Variants in LSM14A observed in about 807,000 individuals in gnomAD.
LSM14A encodes protein LSM14 homolog A.
Under a neutral mutation model 52.4 loss-of-function variants are expected in LSM14A, and 14 were observed. The ratio of observed to expected loss-of-function variants is 0.27; its 90% CI spans 0.18 to 0.42. The LOEUF (loss-of-function observed/expected upper bound fraction) is 0.42. Among genes scored for constraint, LSM14A ranks in the 10% least tolerant of loss-of-function variants. LSM14A has a pLI of 1.00. For missense variants in LSM14A, 417 were observed against 581.8 expected (o/e 0.72, Z 2.91); for synonymous variants, 185 against 200.3 (o/e 0.92, Z 0.64).
rs577798488 is a variant in LSM14A, at chr19:34,227,556, A to C, written c.*168A>C. 1.8e-6 allele frequency: 1 copy of C among 549,186 alleles called. No individual in the cohort carries two copies. The highest frequency in any genetic ancestry group is 3.2e-6 in the Non-Finnish European group (1 of 312,374). The allele number at this position is 549,186 out of a possible 1,614,324, so 34.0% of individuals were successfully genotyped here. The stretch of plus-strand genomic sequence containing the variant: ...CCGCTTAATTTCAAAGATAAAATGC[A>C]GTTACTTTTGGGGGTGGAAGGCTCA... On this transcript the variant is annotated 3_prime_UTR_variant, in exon 10 of 10. Transcript: ENST00000544216.
rs911181895 is a variant in LSM14A at position 34,228,639 on chromosome 19, T to C, written c.*1251T>C. The C allele has an allele frequency of 6.6e-6, 1 of 152,656 alleles. No homozygotes were observed. The highest frequency in any genetic ancestry group is 2.4e-5 in the African/African-American group (1 of 41,452). The allele number at this position is 152,656 out of a possible 1,614,324, so 9.5% of individuals were successfully genotyped here. ...AAATTACTAGTGAATCTTTTTGATA[T>C]TTTAAGCTCTAGTGGGAAAAATCTG... On this transcript the variant is annotated 3_prime_UTR_variant, in exon 10 of 10. Coordinates refer to ENST00000544216, the MANE Select transcript of LSM14A (RefSeq NM_015578.4).
At position 34,172,578 on chromosome 19, in the gene LSM14A, G is replaced by A; in HGVS notation, c.-65G>A. 6.8e-7 allele frequency: 1 copy of A among 1,475,678 alleles called. No homozygotes were observed. The allele number at this position is 1,475,678 out of a possible 1,614,324, so 91.4% of individuals were successfully genotyped here. On this transcript the variant is annotated 5_prime_UTR_variant, in exon 1 of 10. Transcript: ENST00000544216. Reference sequence around the variant, plus strand: ...CGCCGACGGAGCGAGCGGGCGTGCGGAGCGGGCGACAGTGGCGTGGGATCT... The same window carrying A: ...CGCCGACGGAGCGAGCGGGCGTGCGAAGCGGGCGACAGTGGCGTGGGATCT...
intron 1 of LSM14A, among the ~76,000 whole-genome samples, chr19:34,180,807 GT>G: frequency 6.6e-6 from 1 of 152,158 alleles, no homozygotes. Context: ...CAACACAGAT[GT>G]GCTGACCAGC....
chr19:34,218,422 A>G (rs1329043591), intron 6 of LSM14A, among the ~76,000 whole-genome samples: 1 of 152,128 alleles, frequency 6.6e-6, no homozygotes, highest in Non-Finnish European at 1.5e-5. Flanking sequence ...TTATGTCTGG[A>G]TATGCTGCTG....
chr19:34,228,507 T>C lies in LSM14A; in HGVS notation c.*1119T>C, dbSNP rs1208632421. ...CTCATTCCATCATATTTCAAGAGGATTCAGAGTGCTAGAAATTATTTTGGT... is the reference window on the plus strand; with the variant it reads ...CTCATTCCATCATATTTCAAGAGGACTCAGAGTGCTAGAAATTATTTTGGT... On this transcript the variant is annotated 3_prime_UTR_variant, in exon 10 of 10. Coordinates refer to ENST00000544216, the MANE Select transcript of LSM14A (RefSeq NM_015578.4). 6.6e-6 allele frequency: 1 copy of C among 152,640 alleles called. No homozygotes were observed. Among genetic ancestry groups the C allele is most frequent in the Non-Finnish European group, 1.5e-5 (1 of 68,054 alleles). The allele number at this position is 152,640 out of a possible 1,614,324, so 9.5% of individuals were successfully genotyped here.
At chr19:34,182,420 A>G (rs1013186722) in intron 1 of LSM14A, among the ~76,000 whole-genome samples, 1 of 151,890 alleles carries the variant, frequency 6.6e-6, no homozygotes, top group Non-Finnish European at 1.5e-5. Flanking sequence ...GGAAGCTTTT[A>G]TTTAGAATTC....
intron 1 of LSM14A, among the ~76,000 whole-genome samples, chr19:34,173,609 G>C (rs963468156): frequency 2.6e-5 from 4 of 152,172 alleles, no homozygotes; most frequent in African/African-American, 9.7e-5. Context: ...AGTCTGTGTG[G>C]GTTTTGTTTC....
At chr19:34,182,397 C>A (rs1232010500) in intron 1 of LSM14A, among the ~76,000 whole-genome samples, 3 of 152,020 alleles carry the variant, frequency 2.0e-5, no homozygotes, top group Non-Finnish European at 4.4e-5. Context: ...GACTCTCAGT[C>A]ACTTTTCTCT....
rs768408553 is a variant in LSM14A, at chr19:34,215,641, A to G, written c.761A>G (p.Asn254Ser). The G allele has an allele frequency of 2.5e-6, 4 of 1,613,142 alleles. No homozygotes were observed. Among genetic ancestry groups the G allele is most frequent in the East Asian group, 4.5e-5 (2 of 44,874 alleles). Residue 254 changes from asparagine to serine, a missense_variant, in exon 6 of 10, where the codon AAT (asparagine) becomes AGT (serine). Coordinates refer to ENST00000544216, the MANE Select transcript of LSM14A (RefSeq NM_015578.4). ...VSRPENEQLR[N>S]DNKRQVAPGA... The stretch of plus-strand genomic sequence containing the variant: ...AGGCCAGAAAATGAGCAACTCAGAA[A>G]TGATAACAAGAGACAAGTAGGTAAG...
chr19:34,217,584 A>T (rs1002096041), intron 6 of LSM14A, among the ~76,000 whole-genome samples: 11 of 102,276 alleles, frequency 1.1e-4, no homozygotes, highest in African/African-American at 1.5e-4. Context: ...CTCTACATTT[A>T]TATATATATA....
intron 1 of LSM14A, among the ~76,000 whole-genome samples, chr19:34,188,304 A>G (rs1239934911): frequency 6.6e-6 from 1 of 152,134 alleles, no homozygotes; most frequent in Non-Finnish European, 1.5e-5. Flanking sequence ...AAAAAGAAAG[A>G]AAAAATTATT....
Position 34,182,564 on chromosome 19 carries a change from G to A in LSM14A, c.121+9801G>A, listed in dbSNP as rs578097788. ...CTGAAGAGTCAACTCTCGGCCGGGC[G>A]CGGTGGCTCATGCCTGTAATCCTAA... On this transcript the variant is annotated intron_variant, in intron 1 of 9. Transcript: ENST00000544216. 1.7e-4 allele frequency among the ~76,000 whole-genome samples: 26 copies of A among 151,736 alleles called. No homozygotes were observed. The Middle Eastern group carries it at 0.014, about 80-fold the overall frequency.
At chr19:34,197,035 ACCAAATTGGATATACTAGGTATAT>A (rs1280093213) in intron 3 of LSM14A, among the ~76,000 whole-genome samples, 1 of 151,600 alleles carries the variant, frequency 6.6e-6, no homozygotes, top group Non-Finnish European at 1.5e-5. Flanking sequence ...TACCAAATCT[ACCAAATTGGATATACTAGGTATAT>A]CCAATATCTA....
At position 34,200,377 on chromosome 19, in the gene LSM14A, T is replaced by G. The variant is rs575677421; in HGVS notation, c.415+3614T>G. Among the ~76,000 whole-genome samples, 5 of 152,354 alleles carry G rather than the reference T, an allele frequency of 3.3e-5. 1 individual carries two copies. Among genetic ancestry groups the G allele is most frequent in the Admixed American group, 2.6e-4 (4 of 15,292 alleles). ...TTGGTGTGAAGAACATTTTAGGGAC[T>G]ACTAAGGAACTTTTGAGTATGGACT... On this transcript the variant is annotated intron_variant, in intron 3 of 9. Coordinates refer to ENST00000544216, the MANE Select transcript of LSM14A (RefSeq NM_015578.4).
At chr19:34,192,316 G>GGTTTTTTTTTTTTTTTTTTTTTTTTTTTT (rs1341848304) in intron 1 of LSM14A, among the ~76,000 whole-genome samples, 1 of 65,822 alleles carries the variant, frequency 1.5e-5, no homozygotes, top group South Asian at 4.4e-4. Context: ...CATTCTTTTT[G>GGTTTTTTTTTTTTTTTTTTTTTTTTTTTT]TTGTTTTTTT....
At chr19:34,180,282 C>T (rs1053942032) in intron 1 of LSM14A, among the ~76,000 whole-genome samples, 1 of 152,096 alleles carries the variant, frequency 6.6e-6, no homozygotes, top group Admixed American at 6.6e-5. Flanking sequence ...TCCCAAGGGC[C>T]TTATTCTAGT....
intron 6 of LSM14A, 106 bp from the exon 7 acceptor site, chr19:34,219,285 C>T: frequency 1.6e-6 from 1 of 609,398 alleles, no homozygotes; most frequent in South Asian, 3.2e-5. Context: ...GACCTGTAAG[C>T]ATTTCTGTTG....
chr19:34,192,437 C>T (rs533769085), intron 1 of LSM14A, among the ~76,000 whole-genome samples: 68 of 146,910 alleles, frequency 4.6e-4, no homozygotes, highest in African/African-American at 1.1e-3. Context: ...CCAATCCTCC[C>T]GCCTCAGCCA....
rs4452070 is a variant in LSM14A at position 34,207,508 on chromosome 19, T to A, written c.416-1421T>A. Reference sequence around the variant, plus strand: ...TCCCAGTGGCTCCCCTTGTCTAAGATACTGTGCTGCTTTCTGAAGCCACAT... The same window carrying A: ...TCCCAGTGGCTCCCCTTGTCTAAGAAACTGTGCTGCTTTCTGAAGCCACAT... On this transcript the variant is annotated intron_variant, in intron 3 of 9. Transcript: ENST00000544216. Among the ~76,000 whole-genome samples, 5 of 151,702 alleles carry A rather than the reference T, an allele frequency of 3.3e-5. No homozygotes were observed. In the East Asian group the frequency reaches 7.7e-4, roughly 23 times the overall value.
Sources: allele counts gnomAD v4.1 joint callset (sites outside exome capture counted in the v4.1 genomes callset), GRCh38; gene constraint gnomAD v4.1.1; transcripts MANE v1.5; gene names NCBI Gene and HGNC (gene_info 2026-07-23, HGNC 2026-07-21).